The following GLIS3 variants were observed in gnomAD, a reference collection of about 807,000 sequenced individuals.
GLIS3 encodes zinc finger protein GLIS3.
GLIS3 carries 53 observed loss-of-function variants against 78.6 expected under a neutral mutation model. The observed-to-expected ratio is 0.67, with a 90% CI of 0.54 to 0.85. The LOEUF is 0.85. Among genes scored for constraint, GLIS3 ranks in the 40% least tolerant of loss-of-function variants. The pLI, the probability that GLIS3 is intolerant of heterozygous loss-of-function variation, is 0.00. For missense variants in GLIS3, 1,703 were observed against 1,231.1 expected, an observed-to-expected ratio of 1.38 and a Z score of -5.74; for synonymous variants, 684 against 509.9, an observed-to-expected ratio of 1.34 and a Z score of -4.60.
At chr9:4,230,620 C>G (rs1822171666) in intron 2 of GLIS3, among the ~76,000 whole-genome samples, 1 of 152,068 alleles carries the variant, frequency 6.6e-6, no homozygotes. Context: ...TGATACTGCC[C>G]AAGTCATCAC....
chr9:4,207,921 C>T lies in GLIS3; in HGVS notation c.388+78117G>A, dbSNP rs115871454. Among the ~76,000 whole-genome samples the T allele has an allele frequency of 3.2e-3, 481 of 152,342 alleles. 2 individuals carry two copies. The highest frequency in any genetic ancestry group is 0.011 in the African/African-American group (450 of 41,582). ...CTTTCTTTATCTGGCTAAAATACTT[C>T]CACTTCAGCTGCCCCAAAAATGCTA... On this transcript the variant is annotated intron_variant, in intron 2 of 10. Coordinates refer to ENST00000381971, the MANE Select transcript of GLIS3 (RefSeq NM_001042413.2).
chr9:4,321,177 T>C (rs10974454), intron 2 of GLIS3, among the ~76,000 whole-genome samples: 39,242 of 146,624 alleles, frequency 0.27, 6,071 homozygotes, highest in African/African-American at 0.44. Flanking sequence ...TCCCAGCACT[T>C]TGGGAGGCCG....
chr9:4,054,516 A>T, intron 4 of GLIS3: 2 of 985,180 alleles, frequency 2.0e-6, no homozygotes, highest in Non-Finnish European at 2.4e-6. Context: ...ATGGCAGTCT[A>T]CAGAGAAGGA....
chr9:3,985,713 A>C (rs1451871486), intron 4 of GLIS3, among the ~76,000 whole-genome samples: 1 of 152,232 alleles, frequency 6.6e-6, no homozygotes, highest in Non-Finnish European at 1.5e-5. Context: ...AGGAAGCAAA[A>C]TTTTAGCTCA....
the GLIS3 span, among the ~76,000 whole-genome samples, chr9:4,380,251 T>C: frequency 3.3e-5 from 5 of 152,254 alleles, no homozygotes; most frequent in African/African-American, 1.2e-4. Context: ...TGTATTTAAC[T>C]GTTTCTTTTT....
the GLIS3 span, among the ~76,000 whole-genome samples, chr9:4,454,296 C>A: frequency 6.6e-6 from 1 of 152,184 alleles, no homozygotes; most frequent in Non-Finnish European, 1.5e-5. Context: ...TGAGCCACCA[C>A]AACTGGCCAC....
chr9:4,471,018 G>T, the GLIS3 span, among the ~76,000 whole-genome samples: 2 of 151,202 alleles, frequency 1.3e-5, no homozygotes, highest in Non-Finnish European at 3.0e-5. Flanking sequence ...GCTTCAAAGA[G>T]AATAAAATAC....
At chr9:4,358,238 G>C in the GLIS3 span, among the ~76,000 whole-genome samples, 1 of 152,188 alleles carries the variant, frequency 6.6e-6, no homozygotes, top group Non-Finnish European at 1.5e-5. Context: ...CTGGTCGCCA[G>C]AGTAACAAGG....
rs181849691 is a variant in GLIS3 at position 4,253,627 on chromosome 9, C to T, written c.388+32411G>A. Among the ~76,000 whole-genome samples the T allele has an allele frequency of 1.6e-3, 241 of 152,256 alleles. 1 individual carries two copies. The highest frequency in any genetic ancestry group is 5.2e-3 in the African/African-American group (214 of 41,540). ...TCCAGGTGAGTGAACGATTCTGTCT[C>T]GCTAGCGTTCCATGTGCCACTGAGG... On this transcript the variant is annotated intron_variant, in intron 2 of 10. Transcript: ENST00000381971.
intron 4 of GLIS3, among the ~76,000 whole-genome samples, chr9:3,975,877 AAATTAGGTGACTGTAAGTGAAAACTGCT>A (rs1443421442): frequency 1.3e-5 from 2 of 152,158 alleles, no homozygotes; most frequent in Non-Finnish European, 2.9e-5. Flanking sequence ...AAACACAGAT[AAATTAGGTGACTGTAAGTGAAAACTGCT>A]AAGGTAAATC....
intron 4 of GLIS3, among the ~76,000 whole-genome samples, chr9:3,964,294 T>C (rs1425815142): frequency 1.3e-5 from 2 of 152,318 alleles, no homozygotes; most frequent in South Asian, 2.1e-4. Context: ...TGACAGCTAG[T>C]AATAACAGAA....
At chr9:3,994,231 G>A (rs1820559745) in intron 4 of GLIS3, among the ~76,000 whole-genome samples, 1 of 152,166 alleles carries the variant, frequency 6.6e-6, no homozygotes, top group Non-Finnish European at 1.5e-5. Flanking sequence ...GATGCAGCCG[G>A]TAGTTTCTCA....
chr9:4,146,925 A>AG (rs1158952387), intron 2 of GLIS3, among the ~76,000 whole-genome samples: 4 of 152,202 alleles, frequency 2.6e-5, no homozygotes, highest in African/African-American at 9.6e-5. Flanking sequence ...TTTAAAAACT[A>AG]TCTTGCTATT....
chr9:4,449,145 A>C, the GLIS3 span, among the ~76,000 whole-genome samples: 1 of 152,204 alleles, frequency 6.6e-6, no homozygotes, highest in African/African-American at 2.4e-5. Flanking sequence ...CGGTCTTAGC[A>C]AACGGCACAC....
intron 4 of GLIS3, among the ~76,000 whole-genome samples, chr9:4,307,880 G>C (rs996471335): frequency 2.6e-5 from 4 of 152,140 alleles, no homozygotes; most frequent in African/African-American, 9.7e-5. Flanking sequence ...CTTAGACCAA[G>C]GAAACCTGTG....
intron 9 of GLIS3, among the ~76,000 whole-genome samples, chr9:3,833,550 C>G (rs1019425447): frequency 2.0e-5 from 3 of 152,112 alleles, no homozygotes; most frequent in Admixed American, 6.6e-5. Context: ...AGAGTGGTGG[C>G]AAGGTCAGCC....
intron 2 of GLIS3, among the ~76,000 whole-genome samples, chr9:4,138,819 C>G (rs912516644): frequency 3.9e-5 from 6 of 152,182 alleles, no homozygotes; most frequent in Non-Finnish European, 7.4e-5. Context: ...ACAGTAAGTA[C>G]TCTATAAGCT....
chr9:4,396,501 A>G, the GLIS3 span, among the ~76,000 whole-genome samples: 5 of 152,218 alleles, frequency 3.3e-5, no homozygotes, highest in Non-Finnish European at 7.3e-5. Context: ...TAAAATAATG[A>G]CAATGTAACT....
chr9:3,896,670 T>TAATTAAAAA (rs756694471), intron 7 of GLIS3, among the ~76,000 whole-genome samples: 2 of 50,016 alleles, frequency 4.0e-5, no homozygotes, highest in Non-Finnish European at 6.7e-5. Flanking sequence ...CCATCTCAAT[T>TAATTAAAAA]AAAAAAAAAA....
Sources: allele counts gnomAD v4.1 joint callset (sites outside exome capture counted in the v4.1 genomes callset), GRCh38; gene constraint gnomAD v4.1.1; transcripts MANE v1.5; gene names NCBI Gene and HGNC (gene_info 2026-07-23, HGNC 2026-07-21).